PTPRO: variants seen among roughly 807,000 people sequenced by gnomAD.
PTPRO encodes receptor-type tyrosine-protein phosphatase O.
A neutral mutation model predicts 145.2 loss-of-function variants in PTPRO; 62 were observed. That is an observed-to-expected ratio of 0.43 (90% CI 0.35 to 0.53). The LOEUF is 0.53. Ranked by LOEUF, PTPRO falls within the 20% of genes least tolerant of loss-of-function variation. PTPRO has a pLI of 0.01. For missense variants in PTPRO, 1,345 were observed against 1,482.7 expected (o/e 0.91, Z 1.53); for synonymous variants, 565 against 514.7 (o/e 1.10, Z -1.32).
Position 15,386,398 on chromosome 12 carries a change from C to A in PTPRO, c.75+63597C>A, listed in dbSNP as rs142924168. On this transcript the variant is annotated intron_variant, in intron 1 of 26. Coordinates refer to ENST00000281171, the MANE Select transcript of PTPRO (RefSeq NM_030667.3). ...TTTTAATGAATAATATTAAATGGAG[C>A]AGTTAACCAGTAGAATACAACTGAC... 3.3e-3 allele frequency among the ~76,000 whole-genome samples: 501 copies of A among 152,072 alleles called. 4 individuals carry two copies. Among genetic ancestry groups the A allele is most frequent in the African/African-American group, 0.011 (465 of 41,472 alleles).
intron 1 of PTPRO, among the ~76,000 whole-genome samples, chr12:15,398,410 G>A (rs1192545703): frequency 2.0e-5 from 3 of 151,364 alleles, no homozygotes; most frequent in Admixed American, 1.3e-4. Flanking sequence ...CCTTCTGAGC[G>A]CAGTGGAGAA....
At chr12:15,410,250 C>G (rs984212389) in intron 1 of PTPRO, 1 of 152,148 alleles carries the variant, frequency 6.6e-6, no homozygotes, top group Admixed American at 6.5e-5. Context: ...GCCATGGATG[C>G]TCAGATACCT....
chr12:15,407,623 C>A (rs1591784296), intron 1 of PTPRO, among the ~76,000 whole-genome samples: 1 of 152,192 alleles, frequency 6.6e-6, no homozygotes, highest in African/African-American at 2.4e-5. Context: ...AACCCACAAC[C>A]AACATCCAAC....
chr12:15,425,272 A>C (rs1433103069), intron 1 of PTPRO, among the ~76,000 whole-genome samples: 2 of 152,122 alleles, frequency 1.3e-5, no homozygotes, highest in Non-Finnish European at 2.9e-5. Context: ...TTTTATTCTA[A>C]TGTTTTTTTA....
chr12:15,560,741 C>T (rs1285073760), intron 17 of PTPRO, among the ~76,000 whole-genome samples: 1 of 151,988 alleles, frequency 6.6e-6, no homozygotes, highest in Non-Finnish European at 1.5e-5. Flanking sequence ...ATACGCAAGC[C>T]TCTTTGTATG....
intron 7 of PTPRO, among the ~76,000 whole-genome samples, chr12:15,513,177 G>A (rs1488900250): frequency 1.2e-5 from 1 of 84,732 alleles, no homozygotes; most frequent in Non-Finnish European, 2.2e-5. Flanking sequence ...AAGAAAGAAA[G>A]AAAGAAAGAA....
At chr12:15,359,520 G>A (rs1938108416) in intron 1 of PTPRO, among the ~76,000 whole-genome samples, 2 of 139,258 alleles carry the variant, frequency 1.4e-5, no homozygotes, top group Admixed American at 1.6e-4. Flanking sequence ...CTCCTACCTT[G>A]GCCTCCCAAG....
chr12:15,397,567 A>T (rs1939375732), intron 1 of PTPRO, among the ~76,000 whole-genome samples: 1 of 152,168 alleles, frequency 6.6e-6, no homozygotes, highest in Non-Finnish European at 1.5e-5. Flanking sequence ...TTTTACCTCC[A>T]ACTGAGAATA....
chr12:15,445,134 A>G (rs1418348002), intron 1 of PTPRO, among the ~76,000 whole-genome samples: 1 of 152,186 alleles, frequency 6.6e-6, no homozygotes, highest in African/African-American at 2.4e-5. Flanking sequence ...TCCCACTTTT[A>G]TTAAAGAACA....
chr12:15,524,946 A>C lies in PTPRO; in HGVS notation c.2024A>C (p.Lys675Thr). 6.2e-7 allele frequency: 1 copy of C among 1,614,082 alleles called. No homozygotes were observed. Among genetic ancestry groups the C allele is most frequent in the Non-Finnish European group, 8.5e-7 (1 of 1,179,960 alleles). The change falls in exon 11 of 27, where the codon AAA becomes ACA. Residue 675 changes from lysine (K) to threonine (T), a missense_variant. By Grantham distance (78) the Lys-to-Thr change is moderately conservative. Around this residue, in one of 3 missense-constraint regions of PTPRO, gnomAD observed 1,130 missense variants for 1,214.7 expected, o/e 0.93. Transcript: ENST00000281171. ...CACTGGATGGTGGTTGCAGAAGGAA[A>C]AAAGAAAATTAAAAAGAGTGTATGT... ...MLHWMVVAEGKKKIKKSVTRN... is the reference protein window; with the variant it reads ...MLHWMVVAEGTKKIKKSVTRN...
intron 19 of PTPRO, 62 bp from the exon 20 acceptor site, chr12:15,578,791 T>C (rs1310153731): frequency 1.8e-5 from 21 of 1,161,106 alleles, no homozygotes; most frequent in South Asian, 2.5e-5. Flanking sequence ...ATAAACCAGT[T>C]GAACAATAAT....
At chr12:15,546,385 A>G in intron 12 of PTPRO, 184 bp from the exon 13 acceptor site, 1 of 1,431,754 alleles carries the variant, frequency 7.0e-7, no homozygotes, top group Non-Finnish European at 9.1e-7. Flanking sequence ...AAGGCAAAGT[A>G]TTCTGCCTTC....
At chr12:15,374,013 G>A (rs182874187) in intron 1 of PTPRO, among the ~76,000 whole-genome samples, 74 of 152,156 alleles carry the variant, frequency 4.9e-4, no homozygotes, top group African/African-American at 1.7e-3. Flanking sequence ...AAGAACAATT[G>A]GTTTAAGAAA....
intron 1 of PTPRO, among the ~76,000 whole-genome samples, chr12:15,380,805 A>T (rs938334620): frequency 6.6e-6 from 1 of 152,204 alleles, no homozygotes; most frequent in Non-Finnish European, 1.5e-5. Context: ...TATTAATTGT[A>T]TGCTAAAGAA....
chr12:15,539,671 A>G (rs1376239055), intron 12 of PTPRO, among the ~76,000 whole-genome samples: 2 of 142,226 alleles, frequency 1.4e-5, no homozygotes, highest in Non-Finnish European at 1.5e-5. Context: ...CTGAGGCAGG[A>G]GAATTTTTTG....
chr12:15,419,586 C>A lies in PTPRO; in HGVS notation c.76-64388C>A, dbSNP rs140394359. Among the ~76,000 whole-genome samples, 63 of 151,786 alleles carry A rather than the reference C, an allele frequency of 4.2e-4. 1 individual carries two copies. The highest frequency in any genetic ancestry group is 1.4e-3 in the African/African-American group (57 of 41,076). On this transcript the variant is annotated intron_variant, in intron 1 of 26. Transcript: ENST00000281171. ...TCCTCCAAGTCTGACCTACAGGGAA[C>A]TTTTCTTCTAATTAATAAACAGACT...
intron 1 of PTPRO, among the ~76,000 whole-genome samples, chr12:15,358,130 G>T (rs373782278): frequency 4.0e-5 from 6 of 149,480 alleles, no homozygotes; most frequent in African/African-American, 1.2e-4. Flanking sequence ...GTAAACTATC[G>T]CAAGGACAAA....
intron 2 of PTPRO, among the ~76,000 whole-genome samples, chr12:15,494,638 G>C (rs1359254682): frequency 6.6e-6 from 1 of 152,120 alleles, no homozygotes; most frequent in Non-Finnish European, 1.5e-5. Context: ...ATACAAGCAA[G>C]CATTTTAAGA....
chr12:15,448,435 A>T (rs1296101436), intron 1 of PTPRO, among the ~76,000 whole-genome samples: 1 of 151,162 alleles, frequency 6.6e-6, no homozygotes, highest in African/African-American at 2.4e-5. Context: ...AAGGCCTTGC[A>T]CTGTAAGTAT....
Sources: gnomAD v4.1 joint callset for allele counts (sites outside exome capture counted in the v4.1 genomes callset) on GRCh38, gnomAD v4.1.1 for gene constraint, gnomAD v4.1.1 regional missense constraint, MANE v1.5 for transcripts, NCBI Gene and HGNC (gene_info 2026-07-23, HGNC 2026-07-21) for gene names.